Variants in OSBPL9 observed in about 807,000 individuals in gnomAD.
OSBPL9 encodes oxysterol binding protein like 9, also known as oxysterol-binding protein-related protein 9.
Under a neutral mutation model 106.6 loss-of-function variants are expected in OSBPL9, and 40 were observed. The ratio of observed to expected loss-of-function variants is 0.38; its 90% CI spans 0.29 to 0.49. OSBPL9 has a LOEUF of 0.49. Among genes scored for constraint, OSBPL9 ranks in the 20% least tolerant of loss-of-function variants. OSBPL9 has a pLI of 0.97. For missense variants in OSBPL9, 609 were observed against 887.2 expected (o/e 0.69, Z 3.98); for synonymous variants, 269 against 295.4 (o/e 0.91, Z 0.92).
At chr1:51,593,904 T>TCG (rs1553148791) in intron 1 of OSBPL9, among the ~76,000 whole-genome samples, 1 of 140,188 alleles carries the variant, frequency 7.1e-6, no homozygotes, top group African/African-American at 2.7e-5. Flanking sequence ...TAATCAGATT[T>TCG]CACACACACA....
intron 4 of OSBPL9, among the ~76,000 whole-genome samples, chr1:51,715,238 G>A (rs994412889): frequency 2.6e-5 from 4 of 152,070 alleles, no homozygotes; most frequent in African/African-American, 7.2e-5. Flanking sequence ...TAAAGGATGT[G>A]GTTATTAGGG....
chr1:51,589,404 T>A (rs1459507352), intron 1 of OSBPL9, among the ~76,000 whole-genome samples: 1 of 152,130 alleles, frequency 6.6e-6, no homozygotes, highest in Non-Finnish European at 1.5e-5. Flanking sequence ...TTTTCAAAAT[T>A]CAATGAATAA....
At chr1:51,735,480 ACT>A (rs1665467523) in intron 4 of OSBPL9, among the ~76,000 whole-genome samples, 1 of 151,914 alleles carries the variant, frequency 6.6e-6, no homozygotes, top group African/African-American at 2.4e-5. Flanking sequence ...CAAATCCTAC[ACT>A]CTAAATTGCA....
At chr1:51,767,634 G>A (rs1162072274) in intron 12 of OSBPL9, among the ~76,000 whole-genome samples, 2 of 152,098 alleles carry the variant, frequency 1.3e-5, no homozygotes, top group East Asian at 3.8e-4. Flanking sequence ...TGGTCTAGGT[G>A]AATATATATA....
the OSBPL9 span, among the ~76,000 whole-genome samples, chr1:51,525,440 G>A: frequency 1.3e-5 from 2 of 152,144 alleles, no homozygotes; most frequent in Non-Finnish European, 2.9e-5. Flanking sequence ...TTCAGTCAAA[G>A]ATTTTCAAAG....
At chr1:51,766,304 A>G (rs926752499) in intron 12 of OSBPL9, among the ~76,000 whole-genome samples, 1 of 152,184 alleles carries the variant, frequency 6.6e-6, no homozygotes, top group African/African-American at 2.4e-5. Flanking sequence ...TACAGTACCA[A>G]CATTAGGAGA....
At chr1:51,633,912 G>A (rs139269258) in intron 1 of OSBPL9, among the ~76,000 whole-genome samples, 18 of 152,216 alleles carry the variant, frequency 1.2e-4, no homozygotes, top group Admixed American at 2.0e-4. Flanking sequence ...GGTGTAAGCC[G>A]CCTTACCTGG....
chr1:51,580,439 A>C (rs1645213969), intron 1 of OSBPL9, among the ~76,000 whole-genome samples: 1 of 152,242 alleles, frequency 6.6e-6, no homozygotes, highest in Non-Finnish European at 1.5e-5. Flanking sequence ...CTGTCATTGA[A>C]TGAGAGCCTT....
the OSBPL9 span, among the ~76,000 whole-genome samples, chr1:51,551,883 G>GT: frequency 6.6e-6 from 1 of 151,830 alleles, no homozygotes; most frequent in African/African-American, 2.4e-5. Context: ...GTGAGACACC[G>GT]TGTCCAGCCT....
chr1:51,660,995 T>A (rs867768973), intron 2 of OSBPL9, among the ~76,000 whole-genome samples: 10 of 152,234 alleles, frequency 6.6e-5, no homozygotes, highest in Non-Finnish European at 8.8e-5. Flanking sequence ...TTAAAAAAAA[T>A]TTTTTTTAAA....
chr1:51,756,218 C>G, intron 8 of OSBPL9, 102 bp from the exon 9 acceptor site: 1 of 944,986 alleles, frequency 1.1e-6, no homozygotes, highest in Non-Finnish European at 1.7e-6. Flanking sequence ...CATGTTCTAA[C>G]ATTATTACTT....
chr1:51,728,940 A>T (rs924974513), intron 4 of OSBPL9, among the ~76,000 whole-genome samples: 2 of 152,194 alleles, frequency 1.3e-5, no homozygotes, highest in African/African-American at 4.8e-5. Context: ...AGGGGGCGGG[A>T]TAGGAAGATA....
intron 8 of OSBPL9, among the ~76,000 whole-genome samples, chr1:51,754,026 C>A (rs1249623731): frequency 6.6e-6 from 1 of 152,192 alleles, no homozygotes; most frequent in Non-Finnish European, 1.5e-5. Flanking sequence ...CCTCCCCTTA[C>A]CCTTGGTGGA....
chr1:51,657,124 A>G (rs1013742303), intron 2 of OSBPL9, among the ~76,000 whole-genome samples: 1 of 152,216 alleles, frequency 6.6e-6, no homozygotes. Context: ...AAAAATGCTT[A>G]TTGTTAATTT....
chr1:51,651,909 T>A, intron 1 of OSBPL9, 82 bp from the exon 2 acceptor site: 1 of 1,106,856 alleles, frequency 9.0e-7, no homozygotes, highest in East Asian at 2.4e-5. Flanking sequence ...GTAAATCTTG[T>A]CCTTTTATCC....
chr1:51,782,088 C>T (rs1676513585), intron 16 of OSBPL9, among the ~76,000 whole-genome samples: 1 of 151,986 alleles, frequency 6.6e-6, no homozygotes, highest in African/African-American at 2.4e-5. Context: ...CTCTGAGGCT[C>T]CAACAAATTT....
At chr1:51,628,473 C>A (rs890851708) in intron 1 of OSBPL9, among the ~76,000 whole-genome samples, 1 of 151,358 alleles carries the variant, frequency 6.6e-6, no homozygotes, top group Non-Finnish European at 1.5e-5. Context: ...AATTTCAATA[C>A]GTTGGGAGGC....
the OSBPL9 span, among the ~76,000 whole-genome samples, chr1:51,530,182 A>AAAAAAAAAACAAAAAC: frequency 8.6e-6 from 1 of 116,784 alleles, no homozygotes; most frequent in Non-Finnish European, 1.7e-5. Context: ...AAAAAAAAAA[A>AAAAAAAAAACAAAAAC]AAAAAAAAAA....
the OSBPL9 span, among the ~76,000 whole-genome samples, chr1:51,541,342 T>C: frequency 6.6e-6 from 1 of 152,216 alleles, no homozygotes; most frequent in East Asian, 1.9e-4. Flanking sequence ...TCATTCATAA[T>C]TTCTGCTTCT....
Sources: gnomAD v4.1 joint callset for allele counts (sites outside exome capture counted in the v4.1 genomes callset) on GRCh38, gnomAD v4.1.1 for gene constraint, MANE v1.5 for transcripts, NCBI Gene and HGNC (gene_info 2026-07-23, HGNC 2026-07-21) for gene names.